Variants in BRD8 observed in about 807,000 individuals in gnomAD.
BRD8 encodes the protein bromodomain containing 8, also known as bromodomain-containing protein 8.
BRD8 carries 67 observed loss-of-function variants against 143.1 expected under a neutral mutation model. The ratio of observed to expected loss-of-function variants is 0.47; its 90% CI spans 0.38 to 0.57. The LOEUF is 0.57. Among genes scored for constraint, BRD8 ranks in the 20% least tolerant of loss-of-function variants. The pLI is 0.00. For missense variants in BRD8, 1,103 were observed against 1,503.0 expected (o/e 0.73, Z 4.40); for synonymous variants, 505 against 517.1 (o/e 0.98, Z 0.32).
At chr5:138,145,088 G>T in intron 25 of BRD8, 89 bp downstream of exon 25, 1 of 1,336,464 alleles carries the variant, frequency 7.5e-7, no homozygotes, top group Non-Finnish European at 1.0e-6. Context: ...GAGTTTGTAA[G>T]TTATAAAAAT....
At chr5:138,151,099 G>C in intron 21 of BRD8, 91 bp from the exon 22 acceptor site, 1 of 1,467,696 alleles carries the variant, frequency 6.8e-7, no homozygotes, top group Non-Finnish European at 9.2e-7. Flanking sequence ...CACTGTCACA[G>C]TGACTAAGTC....
intron 1 of BRD8, 60 bp downstream of exon 1, chr5:138,178,536 T>C: frequency 2.0e-6 from 3 of 1,509,314 alleles, no homozygotes; most frequent in Non-Finnish European, 2.8e-6. Context: ...GTAACAAAAA[T>C]ATGGTGCCTA....
intron 25 of BRD8, among the ~76,000 whole-genome samples, chr5:138,142,231 A>C (rs1384809218): frequency 6.6e-6 from 1 of 152,148 alleles, no homozygotes; most frequent in Non-Finnish European, 1.5e-5. Flanking sequence ...ATCATCTTAG[A>C]AGCAGAAGCA....
At chr5:138,167,122 A>T (rs991056512) in intron 9 of BRD8, among the ~76,000 whole-genome samples, 16 of 144,968 alleles carry the variant, frequency 1.1e-4, no homozygotes, top group Admixed American at 7.6e-4. Context: ...AAAAAAAATT[A>T]GCTAGGCGTG....
intron 8 of BRD8, 119 bp downstream of exon 8, chr5:138,169,101 CTT>C (rs1753668777): frequency 1.8e-6 from 2 of 1,085,674 alleles, no homozygotes; most frequent in Non-Finnish European, 2.6e-6. Context: ...TAAATTAAGT[CTT>C]TAGCATTCAG....
intron 13 of BRD8, 41 bp downstream of exon 13, chr5:138,164,279 A>G (rs1161687153): frequency 1.2e-6 from 2 of 1,606,480 alleles, no homozygotes; most frequent in Non-Finnish European, 8.5e-7. Context: ...TCAGAAGCCA[A>G]AGCAAATGAT....
intron 18 of BRD8, among the ~76,000 whole-genome samples, chr5:138,160,424 A>G (rs977569025): frequency 2.0e-5 from 3 of 152,226 alleles, no homozygotes; most frequent in African/African-American, 7.2e-5. Flanking sequence ...TGAGAAAAAT[A>G]ATAAAACTAG....
At chr5:138,175,171 A>G (rs1754220609) in intron 2 of BRD8, among the ~76,000 whole-genome samples, 1 of 152,200 alleles carries the variant, frequency 6.6e-6, no homozygotes, top group Non-Finnish European at 1.5e-5. Flanking sequence ...GGCGTGAGCC[A>G]CTGCGCCCGG....
chr5:138,152,752 G>T lies in BRD8; in HGVS notation c.2586C>A (p.His862Gln). ...PAFLLSLFMG[H>Q]EWVWLDSEQD... ...GTTCAGAATCCAGCCAAACCCACTC[G>T]TGTCCCATCTGTAAATACACAGGAA... Residue 862 changes from histidine to glutamine, a missense_variant, in exon 21 of 27, where the codon CAC becomes CAA. Physicochemically the swap from His to Gln is conservative, Grantham distance 24 (BLOSUM62 0). This residue lies in a region of BRD8 where 369 missense variants were observed against 445.5 expected (regional missense o/e 0.83). Coordinates refer to ENST00000254900, the MANE Select transcript of BRD8 (RefSeq NM_139199.2). 6.2e-7 allele frequency: 1 copy of T among 1,612,748 alleles called. No homozygotes were observed. Among genetic ancestry groups the T allele is most frequent in the Non-Finnish European group, 8.5e-7 (1 of 1,178,946 alleles).
intron 2 of BRD8, 155 bp downstream of exon 2, chr5:138,177,416 C>A: frequency 1.9e-6 from 1 of 519,714 alleles, no homozygotes. Flanking sequence ...GCACTCCAGC[C>A]TGGGCAACAG....
At chr5:138,175,145 A>G (rs924265944) in intron 2 of BRD8, among the ~76,000 whole-genome samples, 1 of 152,134 alleles carries the variant, frequency 6.6e-6, no homozygotes, top group African/African-American at 2.4e-5. Context: ...CGGCCTCCCA[A>G]AGTGCTGGGA....
chr5:138,175,817 G>A (rs1245761918), intron 2 of BRD8, among the ~76,000 whole-genome samples: 2 of 150,646 alleles, frequency 1.3e-5, no homozygotes, highest in Admixed American at 6.6e-5. Context: ...AGGAGGCTGA[G>A]GCCGGAGGAT....
At chr5:138,151,231 C>G (rs1289412696) in intron 21 of BRD8, among the ~76,000 whole-genome samples, 2 of 152,198 alleles carry the variant, frequency 1.3e-5, no homozygotes, top group Non-Finnish European at 2.9e-5. Flanking sequence ...TGGTTCTTGC[C>G]TCTTCCAGGA....
Position 138,159,619 on chromosome 5 carries a change from C to T in BRD8, c.2533-20G>A, listed in dbSNP as rs768113648. 12 of 1,613,328 alleles carry T rather than the reference C, an allele frequency of 7.4e-6. No individual in the cohort carries two copies. Among genetic ancestry groups the T allele is most frequent in the Non-Finnish European group, 1.0e-5 (12 of 1,179,452 alleles). On this transcript the variant is annotated intron_variant, in intron 19 of 26. Transcript: ENST00000254900. ...ACTGTCCTGTTAGAGGACAAACAAA[C>T]ACTGATCAGGTTCCACAGAAACTCT...
At chr5:138,157,369 G>A (rs979312328) in intron 20 of BRD8, 8 of 1,479,840 alleles carry the variant, frequency 5.4e-6, no homozygotes, top group African/African-American at 2.8e-5. Flanking sequence ...GGAGAGGGAA[G>A]AGAATCAGCA....
At chr5:138,152,973 CAG>C (rs1752429255) in intron 20 of BRD8, among the ~76,000 whole-genome samples, 1 of 152,142 alleles carries the variant, frequency 6.6e-6, no homozygotes, top group Non-Finnish European at 1.5e-5. Flanking sequence ...GTCAGTATAA[CAG>C]AGATATTGCA....
chr5:138,160,563 GAA>G (rs902011745), intron 18 of BRD8, among the ~76,000 whole-genome samples: 5 of 152,116 alleles, frequency 3.3e-5, no homozygotes, highest in Admixed American at 1.3e-4. Context: ...CAGGGAAAAG[GAA>G]AGGAGAAACT....
chr5:138,177,678 G>GTT lies in BRD8; in HGVS notation c.20-12_20-11insAA. The GTT allele has an allele frequency of 8.0e-7, 1 of 1,247,834 alleles. No homozygotes were observed. The highest frequency in any genetic ancestry group is 1.1e-6 in the Non-Finnish European group (1 of 937,974). The allele number at this position is 1,247,834 out of a possible 1,614,324, so 77.3% of individuals were successfully genotyped here. On this transcript the variant is annotated splice_polypyrimidine_tract_variant and intron_variant, in intron 1 of 26. Transcript: ENST00000254900. ...TTAGCAGCTTGTGTTCTGGGAAAGGGAGAAAAAAAAAAAAGCCTTGGAAAC... is the reference window on the plus strand; with the variant it reads ...TTAGCAGCTTGTGTTCTGGGAAAGGGTTAGAAAAAAAAAAAAGCCTTGGAAAC...
chr5:138,177,451 A>G lies in BRD8; in HGVS notation c.116+120T>C, dbSNP rs1299725337. ...GAAGGAGACTCAGTCTCAAAAAAAG[A>G]AGAAAAAGAAAAGAAAGTCTACTTA... On this transcript the variant is annotated intron_variant, in intron 2 of 26. Coordinates refer to ENST00000254900, the MANE Select transcript of BRD8 (RefSeq NM_139199.2). The G allele has an allele frequency of 1.9e-5, 12 of 634,596 alleles. No homozygotes were observed. The South Asian group carries it at 2.2e-4, about 11-fold the overall frequency. The allele number at this position is 634,596 out of a possible 1,614,324, so 39.3% of individuals were successfully genotyped here. A position where few individuals can be genotyped will look rare whatever the true frequency, so the allele number is the denominator to read the frequency against.
Sources: allele counts gnomAD v4.1 joint callset (sites outside exome capture counted in the v4.1 genomes callset), GRCh38; gene constraint gnomAD v4.1.1; regional missense constraint gnomAD v4.1.1; transcripts MANE v1.5; gene names NCBI Gene and HGNC (gene_info 2026-07-23, HGNC 2026-07-21).